The following PRAP1 variants were observed in gnomAD, a reference collection of about 807,000 sequenced individuals.
The protein encoded by PRAP1 is proline-rich acidic protein 1.
A neutral mutation model predicts 14.6 loss-of-function variants in PRAP1; 12 were observed. That is an observed-to-expected ratio of 0.82 (90% confidence interval 0.53 to 1.33). The LOEUF (loss-of-function observed/expected upper bound fraction) is 1.33. Ranked by LOEUF, PRAP1 falls within the 40% of genes most tolerant of loss-of-function variation. The pLI is 0.00. For synonymous variants in PRAP1, 81 were observed against 80.3 expected (o/e 1.01, Z -0.04); for missense variants, 160 against 193.7 (o/e 0.83, Z 1.03).
rs12762127 is a variant in PRAP1 at position 133,347,749 on chromosome 10, G to C, written c.8+324G>C. On this transcript the variant is annotated intron_variant, in intron 1 of 4. Coordinates refer to ENST00000433452, the MANE Select transcript of PRAP1 (RefSeq NM_145202.5). This position sits in a 1 kb window ranked among gnomAD's most constrained non-coding sequence, Gnocchi z 5.0. Reference sequence around the variant, plus strand: ...CTGCCCAAAAGGAAGGGGGCTGGGGGAGGGGAGGGGCTGGGGCGCAGGAGC... The same window carrying C: ...CTGCCCAAAAGGAAGGGGGCTGGGGCAGGGGAGGGGCTGGGGCGCAGGAGC... Among the ~76,000 whole-genome samples, 1 of 152,012 alleles carries C rather than the reference G, an allele frequency of 6.6e-6. No individual in the cohort carries two copies. Among genetic ancestry groups the C allele is most frequent in the African/African-American group, 2.4e-5 (1 of 41,414 alleles).
Position 133,351,431 on chromosome 10 carries a change from G to A in PRAP1, c.126G>A (p.Glu42=). The part of the protein sequence containing the change: ...VKHWPSEQDP[E]KAWGARVVEP... Reference sequence around the variant, plus strand: ...ACTGGCCCTCAGAGCAGGACCCAGAGAAGTAAGTCCCCCCAACCCCACCTC... The same window carrying A: ...ACTGGCCCTCAGAGCAGGACCCAGAAAAGTAAGTCCCCCCAACCCCACCTC... Residue 42 remains glutamate (E), a splice_region_variant and synonymous_variant, in exon 3 of 5, where the codon GAG becomes GAA. Transcript: ENST00000433452. The surrounding 1 kb of genome is among the most constrained non-coding windows in gnomAD (Gnocchi z 4.3). The A allele has an allele frequency of 6.2e-7, 1 of 1,607,886 alleles. No homozygotes were observed. The highest frequency in any genetic ancestry group is 8.5e-7 in the Non-Finnish European group (1 of 1,177,026).
Position 133,352,618 on chromosome 10 carries a change from G to A in PRAP1, c.*178G>A. 3 of 587,956 alleles carry A rather than the reference G, an allele frequency of 5.1e-6. No homozygotes were observed. The highest frequency in any genetic ancestry group is 9.1e-6 in the Non-Finnish European group (3 of 329,146). The allele number at this position is 587,956 out of a possible 1,614,324, so 36.4% of individuals were successfully genotyped here. On this transcript the variant is annotated 3_prime_UTR_variant, in exon 5 of 5. Coordinates refer to ENST00000433452, the MANE Select transcript of PRAP1 (RefSeq NM_145202.5). ...GCAGGCGGATCACCTGAAATCAGGAGTTCCAGACCAGCCTGGGCAACATGG... is the reference window on the plus strand; with the variant it reads ...GCAGGCGGATCACCTGAAATCAGGAATTCCAGACCAGCCTGGGCAACATGG...
Position 133,352,420 on chromosome 10 carries a change from C to A in PRAP1, c.436C>A (p.His146Asn), listed in dbSNP as rs369897067. ...CCTGGGACCGGAGGAAGACCAAGAC[C>A]ACATCTACCACCCCCAGTAGGGCTC... ...VLLGPEEDQD[H>N]IYHPQ is the part of the protein sequence containing the mutation. Residue 146 changes from histidine (H) to asparagine (N), a missense_variant, in exon 5 of 5, where the codon CAC becomes AAC. By Grantham distance (68) the His-to-Asn change is moderately conservative. Transcript: ENST00000433452. 5 of 1,612,538 alleles carry A rather than the reference C, an allele frequency of 3.1e-6. No homozygotes were observed. In the African/African-American group the frequency reaches 6.7e-5, roughly 22 times the overall value.
At chr10:133,348,850 G>T (rs975454509) in intron 1 of PRAP1, among the ~76,000 whole-genome samples, 1 of 151,890 alleles carries the variant, frequency 6.6e-6, no homozygotes, top group South Asian at 2.1e-4. Context: ...TAGTAGAGAC[G>T]GAGTTTTGCC....
chr10:133,349,980 T>C (rs1180104415), intron 1 of PRAP1, 115 bp from the exon 2 acceptor site: 4 of 838,638 alleles, frequency 4.8e-6, no homozygotes, highest in Middle Eastern at 6.1e-4. Flanking sequence ...TAAAACTACC[T>C]GCGCTCCCAA....
chr10:133,351,438 GT>G lies in PRAP1; in HGVS notation c.128+6del. On this transcript the variant is annotated splice_donor_region_variant and intron_variant, in intron 3 of 4. Coordinates refer to ENST00000433452, the MANE Select transcript of PRAP1 (RefSeq NM_145202.5). This position sits in a 1 kb window ranked among gnomAD's most constrained non-coding sequence, Gnocchi z 4.3. ...CTCAGAGCAGGACCCAGAGAAGTAA[GT>G]CCCCCCAACCCCACCTCCCCACCAC... 6.2e-7 allele frequency: 1 copy of G among 1,604,574 alleles called. No homozygotes were observed. The highest frequency in any genetic ancestry group is 8.5e-7 in the Non-Finnish European group (1 of 1,175,072).
At chr10:133,349,203 AACAT>A (rs954541825) in intron 1 of PRAP1, among the ~76,000 whole-genome samples, 3 of 150,494 alleles carry the variant, frequency 2.0e-5, no homozygotes, top group African/African-American at 7.4e-5. Flanking sequence ...CCCCACACAC[AACAT>A]ACATACACAT....
In PRAP1 at chr10:133,350,088, C is replaced by G. The variant is rs199953928; in HGVS notation, c.9-7C>G. On this transcript the variant is annotated splice_region_variant and splice_polypyrimidine_tract_variant and intron_variant, in intron 1 of 4. Transcript: ENST00000433452. ...ACCTCACACTTCCCTCTCTGGCCCCCCCTCAGGCTCCTCCTGGTCACCAGC... is the reference window on the plus strand; with the variant it reads ...ACCTCACACTTCCCTCTCTGGCCCCGCCTCAGGCTCCTCCTGGTCACCAGC... 1.5e-5 allele frequency: 25 copies of G among 1,613,050 alleles called. No individual in the cohort carries two copies. The highest frequency in any genetic ancestry group is 2.7e-5 in the African/African-American group (2 of 75,058).
intron 1 of PRAP1, among the ~76,000 whole-genome samples, 189 bp from the exon 2 acceptor site, chr10:133,349,906 G>T (rs1333247416): frequency 6.6e-6 from 1 of 152,234 alleles, no homozygotes; most frequent in African/African-American, 2.4e-5. Flanking sequence ...GCTGGAGGCA[G>T]GTGGGCCTGG....
rs778052925 is a variant in PRAP1, at chr10:133,351,986, C to G, written c.129-21C>G. The stretch of plus-strand genomic sequence containing the variant: ...CCACCTCCCCCACCTGCATGTGGAC[C>G]TGACCAAACTGTGCCAGCAGGGCCT... On this transcript the variant is annotated intron_variant, in intron 3 of 4. Transcript: ENST00000433452. This position sits in a 1 kb window ranked among gnomAD's most constrained non-coding sequence, Gnocchi z 4.3. 2 of 1,610,384 alleles carry G rather than the reference C, an allele frequency of 1.2e-6. No homozygotes were observed. The highest frequency in any genetic ancestry group is 1.7e-6 in the Non-Finnish European group (2 of 1,179,340).
At position 133,351,439 on chromosome 10, in the gene PRAP1, T is replaced by TC; in HGVS notation, c.128+12dup. The TC allele has an allele frequency of 1.9e-6, 3 of 1,602,122 alleles. No individual in the cohort carries two copies. The highest frequency in any genetic ancestry group is 2.6e-6 in the Non-Finnish European group (3 of 1,173,542). On this transcript the variant is annotated splice_region_variant and intron_variant, in intron 3 of 4. Coordinates refer to ENST00000433452, the MANE Select transcript of PRAP1 (RefSeq NM_145202.5). The surrounding 1 kb of genome is among the most constrained non-coding windows in gnomAD (Gnocchi z 4.3). ...TCAGAGCAGGACCCAGAGAAGTAAG[T>TC]CCCCCCAACCCCACCTCCCCACCAC...
chr10:133,350,196 CCA>C, intron 2 of PRAP1, 35 bp downstream of exon 2: 1 of 1,576,344 alleles, frequency 6.3e-7, no homozygotes, highest in South Asian at 1.1e-5. Flanking sequence ...GGCAGCAACT[CCA>C]GTTGTCACCT....
chr10:133,352,269 C>T lies in PRAP1; in HGVS notation c.285C>T (p.Thr95=), dbSNP rs146820314. 73 of 1,613,004 alleles carry T rather than the reference C, an allele frequency of 4.5e-5. No homozygotes were observed. In the African/African-American group the frequency reaches 5.5e-4, roughly 12 times the overall value. ...TAGGCACCAAGGCCTGGATGGAGAC[C>T]GAGGACACCCTGGGCCATGTCCTGA... The part of the protein sequence containing the change: ...ILPGTKAWME[T]EDTLGHVLSP... Residue 95 remains threonine (T), a synonymous_variant, in exon 5 of 5, where the codon ACC becomes ACT. Coordinates refer to ENST00000433452, the MANE Select transcript of PRAP1 (RefSeq NM_145202.5).
At chr10:133,348,101 G>C (rs1224228596) in intron 1 of PRAP1, among the ~76,000 whole-genome samples, 2 of 152,194 alleles carry the variant, frequency 1.3e-5, no homozygotes, top group Non-Finnish European at 2.9e-5. Context: ...CCACAGCCAG[G>C]CTGCTTGGCA....
rs34275172 is a variant in PRAP1 at position 133,352,036 on chromosome 10, C to T, written c.158C>T (p.Pro53Leu). 2,202 of 1,612,872 alleles carry T rather than the reference C, an allele frequency of 1.4e-3. 41 individuals carry two copies. The African/African-American group carries it at 0.025, about 18-fold the overall frequency. Residue 53 changes from proline to leucine, a missense_variant, in exon 4 of 5, where the codon CCG becomes CTG. Physicochemically the swap from Pro to Leu is moderately conservative, Grantham distance 98. Transcript: ENST00000433452. ...TGGGGCGCCCGTGTGGTGGAGCCTC[C>T]GGAGAAGGACGACCAGCTGGTGGTG... ...KAWGARVVEP[P>L]EKDDQLVVLF...
rs549525566 is a variant in PRAP1 at position 133,351,283 on chromosome 10, C to T, written c.76-98C>T. 33 of 844,768 alleles carry T rather than the reference C, an allele frequency of 3.9e-5. 1 individual carries two copies. In the South Asian group the frequency reaches 5.1e-4, roughly 13 times the overall value. The allele number at this position is 844,768 out of a possible 1,614,324, so 52.3% of individuals were successfully genotyped here. ...CCCCCACCCCCTGCAGCCACCTCCA[C>T]CCCATGCAGCCCCAGGTGGGCCTCG... On this transcript the variant is annotated intron_variant, in intron 2 of 4. Coordinates refer to ENST00000433452, the MANE Select transcript of PRAP1 (RefSeq NM_145202.5). This position sits in a 1 kb window ranked among gnomAD's most constrained non-coding sequence, Gnocchi z 4.3.
At chr10:133,348,596 C>T (rs1207582305) in intron 1 of PRAP1, among the ~76,000 whole-genome samples, 1 of 151,986 alleles carries the variant, frequency 6.6e-6, no homozygotes. Context: ...TCATTGAAAC[C>T]TCCACCTCCC....
At position 133,352,482 on chromosome 10, in the gene PRAP1, C is replaced by T; in HGVS notation, c.*42C>T. The T allele has an allele frequency of 6.4e-7, 1 of 1,571,540 alleles. No homozygotes were observed. Among genetic ancestry groups the T allele is most frequent in the Non-Finnish European group, 8.7e-7 (1 of 1,148,754 alleles). ...ACTGCCCCCGCCCTGTCCCAAGGCC[C>T]AGGCTGTTGGGACTGGGACCCTCCC... is the stretch of plus-strand genomic sequence containing the variant. On this transcript the variant is annotated 3_prime_UTR_variant, in exon 5 of 5. Transcript: ENST00000433452.
chr10:133,350,285 G>A (rs2133403587), intron 2 of PRAP1, 124 bp downstream of exon 2: 2 of 805,016 alleles, frequency 2.5e-6, no homozygotes, highest in South Asian at 3.3e-5. Flanking sequence ...AGGGGAGAGA[G>A]GCATGGGTAC....
Sources: allele counts gnomAD v4.1 joint callset (sites outside exome capture counted in the v4.1 genomes callset), GRCh38; gene constraint gnomAD v4.1.1; non-coding constraint Gnocchi (gnomAD v3.1); transcripts MANE v1.5; gene names NCBI Gene and HGNC (gene_info 2026-07-23, HGNC 2026-07-21).